Variants in GPC6 observed in about 807,000 individuals in gnomAD.
GPC6 encodes glypican-6.
GPC6 carries 14 observed loss-of-function variants against 55.2 expected under a neutral mutation model. That is an observed-to-expected ratio of 0.25 (90% confidence interval 0.17 to 0.40). GPC6 has a LOEUF of 0.40. GPC6 is among the 10% of genes least tolerant of loss of function. GPC6 has a pLI of 1.00. For missense variants in GPC6, 641 were observed against 708.5 expected (o/e 0.90, Z 1.08); for synonymous variants, 278 against 259.6 (o/e 1.07, Z -0.68).
At chr13:94,141,302 A>G (rs1887369112) in intron 4 of GPC6, among the ~76,000 whole-genome samples, 1 of 152,196 alleles carries the variant, frequency 6.6e-6, no homozygotes, top group Non-Finnish European at 1.5e-5. Context: ...TTGTCTAGAA[A>G]TTTGGAATCA....
chr13:94,292,053 A>C (rs1875008525), intron 5 of GPC6, among the ~76,000 whole-genome samples: 1 of 152,208 alleles, frequency 6.6e-6, no homozygotes, highest in Non-Finnish European at 1.5e-5. Context: ...TTGAGTGCTT[A>C]CTGCCAGGGA....
At chr13:93,529,394 G>A (rs560185179) in intron 1 of GPC6, among the ~76,000 whole-genome samples, 2 of 151,928 alleles carry the variant, frequency 1.3e-5, no homozygotes, top group African/African-American at 4.8e-5. Context: ...CTTATAAAAG[G>A]CATCAAAGAA....
intron 4 of GPC6, among the ~76,000 whole-genome samples, chr13:94,174,022 A>AT (rs1888662546): frequency 6.6e-6 from 1 of 152,084 alleles, no homozygotes; most frequent in African/African-American, 2.4e-5. Context: ...ATTACTTTTC[A>AT]TTTTTGCTAA....
In GPC6 at chr13:93,545,424, A is replaced by G. The variant is rs1348496622; in HGVS notation, c.319+3A>G. On this transcript the variant is annotated splice_donor_region_variant and intron_variant, in intron 2 of 8. Transcript: ENST00000377047. Reference sequence around the variant, plus strand: ...GTCCAGGCATAAGAAATTTGACGGTAGGTGAAATGGTTTTCACTTCAGTTT... The same window carrying G: ...GTCCAGGCATAAGAAATTTGACGGTGGGTGAAATGGTTTTCACTTCAGTTT... The G allele has an allele frequency of 1.2e-6, 2 of 1,612,348 alleles. No homozygotes were observed. The highest frequency in any genetic ancestry group is 1.7e-6 in the Non-Finnish European group (2 of 1,178,468).
intron 6 of GPC6, among the ~76,000 whole-genome samples, chr13:94,323,486 T>G (rs1421284599): frequency 6.6e-6 from 1 of 152,148 alleles, no homozygotes; most frequent in African/African-American, 2.4e-5. Flanking sequence ...ATCATATTAA[T>G]AAATACAAAG....
At chr13:93,772,947 A>G (rs190953352) in intron 2 of GPC6, among the ~76,000 whole-genome samples, 4 of 152,250 alleles carry the variant, frequency 2.6e-5, no homozygotes, top group Non-Finnish European at 5.9e-5. Flanking sequence ...GTTATCATCT[A>G]AAAAACCAGA....
intron 3 of GPC6, among the ~76,000 whole-genome samples, chr13:93,888,759 G>T (rs1440717057): frequency 6.6e-6 from 1 of 152,076 alleles, no homozygotes. Flanking sequence ...TCCCTAATTA[G>T]AGTAAATTAC....
chr13:94,119,489 G>A (rs1227519507), intron 4 of GPC6, among the ~76,000 whole-genome samples: 13 of 152,194 alleles, frequency 8.5e-5, no homozygotes, highest in African/African-American at 3.1e-4. Flanking sequence ...TAGCATTACA[G>A]GCAGGAGAAA....
chr13:94,031,968 A>G (rs539554928), intron 4 of GPC6, among the ~76,000 whole-genome samples: 2 of 152,286 alleles, frequency 1.3e-5, no homozygotes, highest in East Asian at 3.9e-4. Flanking sequence ...ACCTTCTAAG[A>G]TTTTATAGAC....
chr13:93,529,301 A>G (rs145813212), intron 1 of GPC6, among the ~76,000 whole-genome samples: 7 of 152,254 alleles, frequency 4.6e-5, no homozygotes, highest in Non-Finnish European at 1.0e-4. Flanking sequence ...TGAACCTCAA[A>G]GAGATTGGTA....
intron 5 of GPC6, among the ~76,000 whole-genome samples, chr13:94,301,032 A>C (rs947106754): frequency 2.0e-5 from 3 of 152,154 alleles, no homozygotes; most frequent in African/African-American, 7.2e-5. Flanking sequence ...TTGGAACACC[A>C]GTCTTATGAG....
chr13:93,495,276 A>G (rs1331529483), intron 1 of GPC6, among the ~76,000 whole-genome samples: 3 of 149,784 alleles, frequency 2.0e-5, no homozygotes, highest in African/African-American at 4.9e-5. Context: ...CATTCATTTC[A>G]TCTTCCATTG....
chr13:93,826,772 A>G (rs1887271509), intron 2 of GPC6, among the ~76,000 whole-genome samples: 1 of 152,020 alleles, frequency 6.6e-6, no homozygotes, highest in African/African-American at 2.4e-5. Context: ...AGCCTTTCTC[A>G]GTTATCCTTA....
intron 2 of GPC6, among the ~76,000 whole-genome samples, chr13:93,638,827 A>G (rs996594742): frequency 3.9e-5 from 6 of 152,288 alleles, no homozygotes; most frequent in East Asian, 1.9e-4. Context: ...TAATATCTCA[A>G]AATAACTGGT....
intron 4 of GPC6, among the ~76,000 whole-genome samples, chr13:94,211,498 A>T (rs559854789): frequency 6.6e-6 from 1 of 152,350 alleles, no homozygotes; most frequent in South Asian, 2.1e-4. Flanking sequence ...AAATAAGTTT[A>T]TTTAAGGTAT....
At chr13:93,962,454 C>T (rs1196585552) in intron 3 of GPC6, among the ~76,000 whole-genome samples, 1 of 152,018 alleles carries the variant, frequency 6.6e-6, no homozygotes, top group Non-Finnish European at 1.5e-5. Context: ...AACCTGGATT[C>T]TCTCTTGTTC....
intron 6 of GPC6, among the ~76,000 whole-genome samples, chr13:94,345,179 C>G (rs950839692): frequency 6.6e-6 from 1 of 152,108 alleles, no homozygotes; most frequent in Non-Finnish European, 1.5e-5. Context: ...AGCACTTAGT[C>G]GAATTATTTC....
chr13:93,267,074 T>G (rs1877348219), intron 1 of GPC6, among the ~76,000 whole-genome samples: 2 of 152,182 alleles, frequency 1.3e-5, no homozygotes, highest in Admixed American at 1.3e-4. Context: ...GGAGTAATGA[T>G]AGTTCACTAA....
At chr13:93,732,741 G>C (rs1883872287) in intron 2 of GPC6, among the ~76,000 whole-genome samples, 1 of 152,052 alleles carries the variant, frequency 6.6e-6, no homozygotes, top group African/African-American at 2.4e-5. Context: ...TTATATGGCA[G>C]TGCTGTCCAA....
Sources: allele counts gnomAD v4.1 joint callset (sites outside exome capture counted in the v4.1 genomes callset), GRCh38; gene constraint gnomAD v4.1.1; transcripts MANE v1.5; gene names NCBI Gene and HGNC (gene_info 2026-07-23, HGNC 2026-07-21).